SERTAD3: variants seen among roughly 807,000 people sequenced by gnomAD.
SERTAD3 encodes the protein SERTA domain-containing protein 3.
Under a neutral mutation model 11.9 loss-of-function variants are expected in SERTAD3, and 6 were observed. The ratio of observed to expected loss-of-function variants is 0.50; its 90% CI spans 0.28 to 0.99. The LOEUF (loss-of-function observed/expected upper bound fraction) is 0.99. Among genes scored for constraint, SERTAD3 ranks in the 50% least tolerant of loss-of-function variants. The pLI is 0.11. For synonymous variants in SERTAD3, 101 were observed against 98.9 expected, an observed-to-expected ratio of 1.02 and a Z score of -0.13; for missense variants, 261 against 240.9, an observed-to-expected ratio of 1.08 and a Z score of -0.55.
rs200239704 is a variant in SERTAD3 at position 40,441,749 on chromosome 19, G to T, written c.332C>A (p.Pro111His). Residue 111 changes from proline to histidine, a missense_variant, in exon 2 of 2, where the codon CCC becomes CAC. Pro to His is a moderately conservative substitution (Grantham distance 77). Coordinates refer to ENST00000322354, the MANE Select transcript of SERTAD3 (RefSeq NM_203344.3). ...AAGGGGAGTCACTGGATTCTGAGGG[G>T]GCTCAGTCCCATCCATGGAGGTGTC... Reference protein sequence around the residue: ...ELDTSMDGTEPPQNPVTPLGL... With the variant: ...ELDTSMDGTEHPQNPVTPLGL... 2.7e-5 allele frequency: 44 copies of T among 1,613,876 alleles called. No individual in the cohort carries two copies. Among genetic ancestry groups the T allele is most frequent in the Non-Finnish European group, 3.6e-5 (42 of 1,179,956 alleles).
At position 40,442,059 on chromosome 19, in the gene SERTAD3, T is replaced by C; in HGVS notation, c.22A>G (p.Lys8Glu). 6.7e-7 allele frequency: 1 copy of C among 1,492,612 alleles called. No homozygotes were observed. The highest frequency in any genetic ancestry group is 1.4e-5 in the African/African-American group (1 of 71,156). The allele number at this position is 1,492,612 out of a possible 1,614,324, so 92.5% of individuals were successfully genotyped here. ...TCCTCCTCTTCCAAATCAGAGTGTT[T>C]CCTCTTCAAGCCTCCCACCATGATG... MVGGLKR[K>E]HSDLEEEEER... The change falls in exon 2 of 2, where the codon AAA (lysine) becomes GAA (glutamate). Residue 8 changes from lysine (K) to glutamate (E), a missense_variant. Lys to Glu is a moderately conservative substitution (Grantham distance 56, BLOSUM62 1). Coordinates refer to ENST00000322354, the MANE Select transcript of SERTAD3 (RefSeq NM_203344.3).
At position 40,441,183 on chromosome 19, in the gene SERTAD3, CAG is replaced by C. The variant is rs2079672270; in HGVS notation, c.*305_*306del. On this transcript the variant is annotated 3_prime_UTR_variant, in exon 2 of 2. Transcript: ENST00000322354. ...ATCTTCCCTGAGGCCCCAGTGGTCA[CAG>C]GGGAGTGGGAACTAGCAGGAAAGGT... 8.3e-6 allele frequency: 2 copies of C among 240,300 alleles called. No individual in the cohort carries two copies. Among genetic ancestry groups the C allele is most frequent in the East Asian group, 1.0e-4 (1 of 9,934 alleles). The allele number at this position is 240,300 out of a possible 1,614,324, so 14.9% of individuals were successfully genotyped here.
At chr19:40,443,187 G>A (rs1041490582) in intron 1 of SERTAD3, among the ~76,000 whole-genome samples, 1 of 151,792 alleles carries the variant, frequency 6.6e-6, no homozygotes, top group Non-Finnish European at 1.5e-5. Flanking sequence ...CCCCCCCATG[G>A]GTCCTTACAG....
chr19:40,444,319 G>A lies in SERTAD3; in HGVS notation c.-111C>T. On this transcript the variant is annotated 5_prime_UTR_variant, in exon 1 of 2. Coordinates refer to ENST00000322354, the MANE Select transcript of SERTAD3 (RefSeq NM_203344.3). ...ACCGGTTGGAGCCTCGCTCACCTCG[G>A]CGGGGCCTCTCCGTCTGGCCTCTGG... 9.4e-6 allele frequency: 1 copy of A among 106,342 alleles called. No homozygotes were observed. The highest frequency in any genetic ancestry group is 3.7e-5 in the African/African-American group (1 of 27,324). 6.6% of individuals were successfully genotyped at this position (106,342 alleles called of 1,614,324 possible).
chr19:40,441,869 A>C lies in SERTAD3; in HGVS notation c.212T>G (p.Leu71Arg). 6.3e-7 allele frequency: 1 copy of C among 1,577,624 alleles called. No homozygotes were observed. Among genetic ancestry groups the C allele is most frequent in the Non-Finnish European group, 8.6e-7 (1 of 1,162,082 alleles). ...GGGGGGCAGGGCAGGGGCGGGAGCC[A>C]GGCGAAGTGCAGCCTGCAGCTGTTG... ...TLQQLQAALR[L>R]APAPALPPEP... The change falls in exon 2 of 2, where the codon CTG (leucine) becomes CGG (arginine). Residue 71 changes from leucine (L) to arginine (R), a missense_variant. Coordinates refer to ENST00000322354, the MANE Select transcript of SERTAD3 (RefSeq NM_203344.3).
rs980514220 is a variant in SERTAD3 at position 40,441,854 on chromosome 19, G to A, written c.227C>T (p.Ala76Val). Residue 76 changes from alanine to valine, a missense_variant, in exon 2 of 2, where the codon GCC (alanine) becomes GTC (valine). By Grantham distance (64) the Ala-to-Val change is moderately conservative (BLOSUM62 0). Coordinates refer to ENST00000322354, the MANE Select transcript of SERTAD3 (RefSeq NM_203344.3). Reference protein sequence around the residue: ...QAALRLAPAPALPPEPLFLGE... With the variant: ...QAALRLAPAPVLPPEPLFLGE... The stretch of plus-strand genomic sequence containing the variant: ...CAGGAAGAGGGGCTCGGGGGGCAGG[G>A]CAGGGGCGGGAGCCAGGCGAAGTGC... 1.1e-5 allele frequency: 17 copies of A among 1,581,122 alleles called. No individual in the cohort carries two copies. The highest frequency in any genetic ancestry group is 1.7e-6 in the Non-Finnish European group (2 of 1,163,206).
chr19:40,443,176 G>GC (rs146629663), intron 1 of SERTAD3, among the ~76,000 whole-genome samples: 1,848 of 151,546 alleles, frequency 0.012, 30 homozygotes, highest in African/African-American at 0.04. Context: ...GTAAGGCCCC[G>GC]CCCCCCCATG....
In SERTAD3 at chr19:40,441,998, C is replaced by T; in HGVS notation, c.83G>A (p.Ser28Asn). ...RWEWSPAGLQ[S>N]YQQALLRISL... ...GATGCGGAGCAGGGCTTGCTGGTAG[C>T]TCTGAAGGCCTGCTGGACTCCACTC... The change falls in exon 2 of 2, where the codon AGC becomes AAC. Residue 28 changes from serine to asparagine, a missense_variant. Physicochemically the swap from Ser to Asn is conservative, Grantham distance 46. Transcript: ENST00000322354. The T allele has an allele frequency of 6.5e-7, 1 of 1,535,056 alleles. No homozygotes were observed. Among genetic ancestry groups the T allele is most frequent in the Non-Finnish European group, 8.7e-7 (1 of 1,144,476 alleles).
In SERTAD3 at chr19:40,442,089, G is replaced by A. The variant is rs1468408200; in HGVS notation, c.-6-3C>T. 22 of 1,451,286 alleles carry A rather than the reference G, an allele frequency of 1.5e-5. No individual in the cohort carries two copies. The highest frequency in any genetic ancestry group is 2.0e-5 in the Non-Finnish European group (22 of 1,099,086). The allele number at this position is 1,451,286 out of a possible 1,614,324, so 89.9% of individuals were successfully genotyped here. On this transcript the variant is annotated splice_region_variant and splice_polypyrimidine_tract_variant and intron_variant, in intron 1 of 1. Transcript: ENST00000322354. ...TTCAAGCCTCCCACCATGATGCCCT[G>A]TAGAGAGAAGAGGCGCATAGGGGAA...
chr19:40,442,140 T>C (rs957420809), intron 1 of SERTAD3, 54 bp from the exon 2 acceptor site: 10 of 1,132,868 alleles, frequency 8.8e-6, no homozygotes, highest in Non-Finnish European at 1.1e-5. Context: ...ACCGTAGTGC[T>C]GGCTCATATC....
intron 1 of SERTAD3, among the ~76,000 whole-genome samples, chr19:40,443,204 C>A (rs977313515): frequency 6.6e-5 from 10 of 152,080 alleles, no homozygotes; most frequent in Non-Finnish European, 1.2e-4. Flanking sequence ...ACAGAGCATC[C>A]AGGAACGCCC....
At chr19:40,442,124 C>A in intron 1 of SERTAD3, 38 bp from the exon 2 acceptor site, 1 of 1,305,346 alleles carries the variant, frequency 7.7e-7, no homozygotes, top group Non-Finnish European at 1.0e-6. Context: ...AGGTCAGACA[C>A]CAGACACCGT....
Position 40,440,886 on chromosome 19 carries a change from CAA to C in SERTAD3, c.*602_*603del, listed in dbSNP as rs10660252. 5 of 119,786 alleles carry C rather than the reference CAA, an allele frequency of 4.2e-5. No individual in the cohort carries two copies. Among genetic ancestry groups the C allele is most frequent in the Middle Eastern group, 4.1e-3 (1 of 244 alleles). The allele number at this position is 119,786 out of a possible 1,614,324, so 7.4% of individuals were successfully genotyped here. ...TTATTTAAAAAAATTACAAACAATC[CAA>C]AAAAAAAAAAAAAAGCCACCACAAA... On this transcript the variant is annotated 3_prime_UTR_variant, in exon 2 of 2. Transcript: ENST00000322354.
chr19:40,441,971 G>C lies in SERTAD3; in HGVS notation c.110C>G (p.Ser37Cys). The C allele has an allele frequency of 6.4e-7, 1 of 1,562,652 alleles. No individual in the cohort carries two copies. Among genetic ancestry groups the C allele is most frequent in the Non-Finnish European group, 8.7e-7 (1 of 1,156,058 alleles). ...QSYQQALLRI[S>C]LDKVQRSLGP... Reference sequence around the variant, plus strand: ...CAGGCTGCGCTGGACTTTGTCTAGGGAGATGCGGAGCAGGGCTTGCTGGTA... The same window carrying C: ...CAGGCTGCGCTGGACTTTGTCTAGGCAGATGCGGAGCAGGGCTTGCTGGTA... The change falls in exon 2 of 2, where the codon TCC becomes TGC. Residue 37 changes from serine to cysteine, a missense_variant. Physicochemically the swap from Ser to Cys is moderately radical, Grantham distance 112. Coordinates refer to ENST00000322354, the MANE Select transcript of SERTAD3 (RefSeq NM_203344.3).
chr19:40,441,305 A>G lies in SERTAD3; in HGVS notation c.*185T>C, dbSNP rs2079673396. ...AATTAATTCAGGAAGACCCACCTTC[A>G]CAGAAGGTCGGGGTAACCAGACACA... On this transcript the variant is annotated 3_prime_UTR_variant, in exon 2 of 2. Coordinates refer to ENST00000322354, the MANE Select transcript of SERTAD3 (RefSeq NM_203344.3). 1 of 542,512 alleles carries G rather than the reference A, an allele frequency of 1.8e-6. No homozygotes were observed. Among genetic ancestry groups the G allele is most frequent in the Admixed American group, 3.5e-5 (1 of 28,256 alleles). 33.6% of individuals were successfully genotyped at this position (542,512 alleles called of 1,614,324 possible).
intron 1 of SERTAD3, among the ~76,000 whole-genome samples, chr19:40,443,041 G>A (rs1264441786): frequency 6.6e-6 from 1 of 151,832 alleles, no homozygotes; most frequent in Non-Finnish European, 1.5e-5. Context: ...AAAGGGGCCT[G>A]TCTCATTCCC....
Position 40,441,390 on chromosome 19 carries a change from C to T in SERTAD3, c.*100G>A. 1 of 1,059,984 alleles carries T rather than the reference C, an allele frequency of 9.4e-7. No homozygotes were observed. Among genetic ancestry groups the T allele is most frequent in the Non-Finnish European group, 1.4e-6 (1 of 718,848 alleles). The allele number at this position is 1,059,984 out of a possible 1,614,324, so 65.7% of individuals were successfully genotyped here. A position where few individuals can be genotyped will look rare whatever the true frequency, so the allele number is the denominator to read the frequency against. On this transcript the variant is annotated 3_prime_UTR_variant, in exon 2 of 2. Transcript: ENST00000322354. ...ATGGGAACAAAGGAGGCCATAGTCACTGCTTCGAGCCCCCACAAAAACACA... is the reference window on the plus strand; with the variant it reads ...ATGGGAACAAAGGAGGCCATAGTCATTGCTTCGAGCCCCCACAAAAACACA...
At position 40,441,688 on chromosome 19, in the gene SERTAD3, T is replaced by G; in HGVS notation, c.393A>C (p.Pro131=). The G allele has an allele frequency of 6.2e-7, 1 of 1,614,140 alleles. No homozygotes were observed. Among genetic ancestry groups the G allele is most frequent in the Non-Finnish European group, 8.5e-7 (1 of 1,180,008 alleles). ...GGGAGCTCAGAGCTTCTAAGAAGAC[T>G]GGATCAGGCTGGGGTGGCACTTCAT... ...LQNEVPPQPD[P]VFLEALSSRY... The change falls in exon 2 of 2, where the codon CCA becomes CCC. Residue 131 remains proline (P), a synonymous_variant. Coordinates refer to ENST00000322354, the MANE Select transcript of SERTAD3 (RefSeq NM_203344.3).
At position 40,441,651 on chromosome 19, in the gene SERTAD3, C is replaced by G. The variant is rs990323450; in HGVS notation, c.430G>C (p.Asp144His). 6.2e-7 allele frequency: 1 copy of G among 1,614,082 alleles called. No homozygotes were observed. Among genetic ancestry groups the G allele is most frequent in the Non-Finnish European group, 8.5e-7 (1 of 1,180,042 alleles). ...LEALSSRYLG[D>H]SGLDDFFLDI... The stretch of plus-strand genomic sequence containing the variant: ...AGAAAGAAGTCATCCAGGCCAGAGT[C>G]CCCCAAGTACCGGGAGCTCAGAGCT... The change falls in exon 2 of 2, where the codon GAC becomes CAC. Residue 144 changes from aspartate (D) to histidine (H), a missense_variant. Transcript: ENST00000322354.
Sources: allele counts gnomAD v4.1 joint callset (sites outside exome capture counted in the v4.1 genomes callset), GRCh38; gene constraint gnomAD v4.1.1; transcripts MANE v1.5; gene names NCBI Gene and HGNC (gene_info 2026-07-23, HGNC 2026-07-21).